PALM: variants seen among roughly 807,000 people sequenced by gnomAD.
PALM encodes paralemmin.
In PALM, 18 loss-of-function variants were observed where a neutral mutation model predicts 30.7. That is an observed-to-expected ratio of 0.59 (90% CI 0.41 to 0.87). The LOEUF (loss-of-function observed/expected upper bound fraction) is 0.87, where lower values mean the gene tolerates loss of function less well. Ranked by LOEUF, PALM falls within the 40% of genes least tolerant of loss-of-function variation. The pLI is 0.00. For missense variants in PALM, 529 were observed against 555.4 expected, an observed-to-expected ratio of 0.95 and a Z score of 0.48; for synonymous variants, 286 against 242.8, an observed-to-expected ratio of 1.18 and a Z score of -1.66.
At chr19:744,942 G>C (rs1270234970) in intron 8 of PALM, among the ~76,000 whole-genome samples, 2 of 150,336 alleles carry the variant, frequency 1.3e-5, no homozygotes, top group Non-Finnish European at 2.9e-5. Context: ...CACCTTGGGA[G>C]GCCAAAGTGG....
chr19:708,965 A>G lies in PALM; in HGVS notation c.-182A>G, dbSNP rs2031976334. ...CGCCGCCGCCCGGACAATAAACAGC[A>G]GCTTTGCGCGGGGCGATGCCCGAGC... On this transcript the variant is annotated 5_prime_UTR_variant, in exon 1 of 9. Transcript: ENST00000338448. 1 of 146,060 alleles carries G rather than the reference A, an allele frequency of 6.8e-6. No individual in the cohort carries two copies. The highest frequency in any genetic ancestry group is 1.5e-5 in the Non-Finnish European group (1 of 66,114). 9.0% of individuals were successfully genotyped at this position (146,060 alleles called of 1,614,324 possible). A position where few individuals can be genotyped will look rare whatever the true frequency, so the allele number is the denominator to read the frequency against.
rs190578046 is a variant in PALM, at chr19:742,561, C to T, written c.634+2078C>T. On this transcript the variant is annotated intron_variant, in intron 8 of 8. Transcript: ENST00000338448. This position sits in a 1 kb window ranked among gnomAD's most constrained non-coding sequence, Gnocchi z 5.5. ...CGGAGGTTGCAGTGAGCCGAGATCG[C>T]GCCACTGCTCTCCAGCCTGTGCGAC... is the stretch of plus-strand genomic sequence containing the variant. Among the ~76,000 whole-genome samples, 29 of 151,398 alleles carry T rather than the reference C, an allele frequency of 1.9e-4. No individual in the cohort carries two copies. The highest frequency in any genetic ancestry group is 3.4e-4 in the Non-Finnish European group (23 of 67,894).
rs1412963729 is a variant in PALM at position 727,187 on chromosome 19, C to T, written c.138+99C>T. ...ACCCTGACCCTGACCCCAATCCCAA[C>T]CTGACCCTGACCCTGCCTCCAGCCC... On this transcript the variant is annotated intron_variant, in intron 3 of 8. Coordinates refer to ENST00000338448, the MANE Select transcript of PALM (RefSeq NM_002579.3). 6.8e-6 allele frequency: 5 copies of T among 733,486 alleles called. No individual in the cohort carries two copies. The East Asian group carries it at 8.2e-5, about 12-fold the overall frequency. The allele number at this position is 733,486 out of a possible 1,614,324, so 45.4% of individuals were successfully genotyped here. A position where few individuals can be genotyped will look rare whatever the true frequency, so the allele number is the denominator to read the frequency against.
Position 740,362 on chromosome 19 carries a change from G to A in PALM, c.513G>A (p.Ser171=), listed in dbSNP as rs746738446. ...GSPMMKAAMY[S]VEITVEKDKV... is the part of the protein sequence containing the mutation. ...TGACTCTCGTGCCAGCCATGTACTCGGTTGAGATCACTGTGGAGAAGGACA... is the reference window on the plus strand; with the variant it reads ...TGACTCTCGTGCCAGCCATGTACTCAGTTGAGATCACTGTGGAGAAGGACA... Residue 171 remains serine, a synonymous_variant, in exon 8 of 9, where the codon TCG becomes TCA. Coordinates refer to ENST00000338448, the MANE Select transcript of PALM (RefSeq NM_002579.3). The A allele has an allele frequency of 2.9e-5, 46 of 1,566,230 alleles. No homozygotes were observed. The highest frequency in any genetic ancestry group is 1.3e-4 in the Admixed American group (7 of 53,010).
At position 709,912 on chromosome 19, in the gene PALM, G is replaced by GA. The variant is rs1555686475; in HGVS notation, c.5+761_5+762insA. Among the ~76,000 whole-genome samples the GA allele has an allele frequency of 8.0e-6, 1 of 125,158 alleles. No individual in the cohort carries two copies. Among genetic ancestry groups the GA allele is most frequent in the Non-Finnish European group, 1.7e-5 (1 of 57,684 alleles). 82.1% of individuals were successfully genotyped at this position (125,158 alleles called of 152,430 possible). A position where few individuals can be genotyped will look rare whatever the true frequency, so the allele number is the denominator to read the frequency against. The stretch of plus-strand genomic sequence containing the variant: ...CCCGCATGGCTGCGCCTGTGTGTGT[G>GA]GGGGGGGGGTGGCCAGTGGAGGCAC... On this transcript the variant is annotated intron_variant, in intron 1 of 8. Coordinates refer to ENST00000338448, the MANE Select transcript of PALM (RefSeq NM_002579.3). The surrounding 1 kb of genome is among the most constrained non-coding windows in gnomAD (Gnocchi z 4.3).
At chr19:719,122 C>T (rs980741089) in intron 1 of PALM, 3 of 985,298 alleles carry the variant, frequency 3.0e-6, no homozygotes, top group Non-Finnish European at 2.4e-6. Flanking sequence ...GGCGCCTGCC[C>T]GGGCAGGGAC....
At chr19:736,266 C>T in intron 7 of PALM, 188 bp downstream of exon 7, 1 of 529,326 alleles carries the variant, frequency 1.9e-6, no homozygotes, top group Non-Finnish European at 3.3e-6. Context: ...GCCCCCTCTG[C>T]TTTGTTGCCC....
rs1454581186 is a variant in PALM, at chr19:734,162, C to G, written c.421-11C>G. 2 of 1,613,954 alleles carry G rather than the reference C, an allele frequency of 1.2e-6. No homozygotes were observed. The highest frequency in any genetic ancestry group is 4.5e-5 in the East Asian group (2 of 44,874). ...CTGACGCCCCTGACCCTTCTCTCTT[C>G]TTTCTTGCAGACGCCGGTGGGCACG... is the stretch of plus-strand genomic sequence containing the variant. On this transcript the variant is annotated splice_polypyrimidine_tract_variant and intron_variant, in intron 5 of 8. Transcript: ENST00000338448.
intron 5 of PALM, among the ~76,000 whole-genome samples, chr19:732,917 G>T (rs1397767752): frequency 6.6e-6 from 1 of 151,466 alleles, no homozygotes; most frequent in African/African-American, 2.4e-5. Context: ...GCGACCTGGA[G>T]GACGTGGGGT....
At chr19:726,040 G>A in intron 1 of PALM, 98 bp from the exon 2 acceptor site, 1 of 922,702 alleles carries the variant, frequency 1.1e-6, no homozygotes, top group Non-Finnish European at 1.8e-6. Flanking sequence ...CCTTGCCCTG[G>A]TTACCCCTAG....
chr19:723,564 G>T (rs1428972633), intron 1 of PALM, among the ~76,000 whole-genome samples: 1 of 152,072 alleles, frequency 6.6e-6, no homozygotes, highest in Non-Finnish European at 1.5e-5. Context: ...TCTAGGGCTC[G>T]GTGCTCCTTG....
chr19:740,429 C>T lies in PALM; in HGVS notation c.580C>T (p.Leu194Phe). The T allele has an allele frequency of 2.6e-6, 4 of 1,553,716 alleles. No homozygotes were observed. Among genetic ancestry groups the T allele is most frequent in the Non-Finnish European group, 3.5e-6 (4 of 1,148,402 alleles). ...ETRVLSSTTL[L>F]PRQPLPLGIK... ...CAGGGTGCTGTCCAGCACCACGCTGCTCCCTCGGCAGCCGCTCCCTCTGGG... is the reference window on the plus strand; with the variant it reads ...CAGGGTGCTGTCCAGCACCACGCTGTTCCCTCGGCAGCCGCTCCCTCTGGG... Residue 194 changes from leucine (L) to phenylalanine (F), a missense_variant, in exon 8 of 9, where the codon CTC (leucine) becomes TTC (phenylalanine). By Grantham distance (22) the Leu-to-Phe change is conservative. Coordinates refer to ENST00000338448, the MANE Select transcript of PALM (RefSeq NM_002579.3).
chr19:709,508 C>T lies in PALM; in HGVS notation c.5+357C>T, dbSNP rs1478062501. On this transcript the variant is annotated intron_variant, in intron 1 of 8. Coordinates refer to ENST00000338448, the MANE Select transcript of PALM (RefSeq NM_002579.3). This position sits in a 1 kb window ranked among gnomAD's most constrained non-coding sequence, Gnocchi z 4.3. Reference sequence around the variant, plus strand: ...GCTCTCGGCCACCTGTGGGTGGCCCCGGGGAGATGGAGCGACCCCTCCCCA... The same window carrying T: ...GCTCTCGGCCACCTGTGGGTGGCCCTGGGGAGATGGAGCGACCCCTCCCCA... 6.6e-6 allele frequency among the ~76,000 whole-genome samples: 1 copy of T among 152,030 alleles called. No homozygotes were observed. Among genetic ancestry groups the T allele is most frequent in the Non-Finnish European group, 1.5e-5 (1 of 67,956 alleles).
chr19:711,279 C>A, intron 1 of PALM: 1 of 664,564 alleles, frequency 1.5e-6, no homozygotes, highest in Non-Finnish European at 1.9e-6. Flanking sequence ...GTTTGTGTGG[C>A]CCCTGCGTGA....
rs2032378521 is a variant in PALM, at chr19:719,375, G to C, written c.6-6763G>C. 3.0e-6 allele frequency: 3 copies of C among 985,400 alleles called. No homozygotes were observed. The African/African-American group carries it at 5.2e-5, about 17-fold the overall frequency. The allele number at this position is 985,400 out of a possible 1,614,324, so 61.0% of individuals were successfully genotyped here. A position where few individuals can be genotyped will look rare whatever the true frequency, so the allele number is the denominator to read the frequency against. ...CTCCTGGAGCAGGACTATCTCACGC[G>C]CTCCAGACGACGCCCTCGCCGGGCC... On this transcript the variant is annotated intron_variant, in intron 1 of 8. Transcript: ENST00000338448.
intron 6 of PALM, chr19:734,484 G>A (rs1057296978): frequency 2.4e-4 from 106 of 443,658 alleles, no homozygotes; most frequent in Non-Finnish European, 1.1e-4. Flanking sequence ...AGGATCGATC[G>A]CTTGAGCCCA....
At chr19:740,326 G>T (rs1207241142) in intron 7 of PALM, 26 bp from the exon 8 acceptor site, 1 of 1,547,676 alleles carries the variant, frequency 6.5e-7, no homozygotes, top group Non-Finnish European at 8.7e-7. Context: ...GCAGGCCGTG[G>T]TGTAACCCCG....
chr19:741,843 CTTTTT>C (rs2033205847), intron 8 of PALM, among the ~76,000 whole-genome samples: 1 of 152,046 alleles, frequency 6.6e-6, no homozygotes, highest in South Asian at 2.1e-4. Flanking sequence ...CTTTCTTTTT[CTTTTT>C]ATTTATTTAC....
intron 3 of PALM, 136 bp downstream of exon 3, chr19:727,224 C>CGAA: frequency 1.8e-6 from 1 of 568,838 alleles, no homozygotes; most frequent in South Asian, 2.0e-5. Flanking sequence ...GACCCTGACC[C>CGAA]CGACCCTGAC....
Sources: allele counts gnomAD v4.1 joint callset (sites outside exome capture counted in the v4.1 genomes callset), GRCh38; gene constraint gnomAD v4.1.1; non-coding constraint Gnocchi (gnomAD v3.1); transcripts MANE v1.5; gene names NCBI Gene and HGNC (gene_info 2026-07-23, HGNC 2026-07-21).